Variants in PCCA observed in about 807,000 individuals in gnomAD.
The protein encoded by PCCA is propionyl-CoA carboxylase subunit alpha.
Under a neutral mutation model 101.3 loss-of-function variants are expected in PCCA, and 74 were observed. The observed-to-expected ratio is 0.73, with a 90% CI of 0.61 to 0.89. The LOEUF (loss-of-function observed/expected upper bound fraction) is 0.89, where lower values mean the gene tolerates loss of function less well. Ranked by LOEUF, PCCA falls within the 40% of genes least tolerant of loss-of-function variation. The pLI is 0.00. For missense variants in PCCA, 891 were observed against 907.0 expected (o/e 0.98, Z 0.23); for synonymous variants, 294 against 313.6 (o/e 0.94, Z 0.66).
rs556614855 is a variant in PCCA at position 100,386,625 on chromosome 13, C to T, written c.1746+18051C>T. On this transcript the variant is annotated intron_variant, in intron 19 of 23. Coordinates refer to ENST00000376285, the MANE Select transcript of PCCA (RefSeq NM_000282.4). ...CTCCATCTCCTGACGTCGTGATCCA[C>T]CCGCCTCGGCTTCCCAAGGTGCTGG... Among the ~76,000 whole-genome samples the T allele has an allele frequency of 4.5e-3, 685 of 152,344 alleles. 4 individuals are homozygous for T. The highest frequency in any genetic ancestry group is 5.2e-3 in the Non-Finnish European group (355 of 68,034).
chr13:100,421,456 A>G (rs1287209395), intron 19 of PCCA, among the ~76,000 whole-genome samples: 2 of 152,218 alleles, frequency 1.3e-5, no homozygotes, highest in East Asian at 1.9e-4. Flanking sequence ...ATCAATATGT[A>G]TAGAGATGAC....
chr13:100,467,660 G>A (rs1259594104), intron 21 of PCCA, among the ~76,000 whole-genome samples: 1 of 152,200 alleles, frequency 6.6e-6, no homozygotes, highest in Non-Finnish European at 1.5e-5. Context: ...GTGAGCCACC[G>A]CGCCTGGCAT....
At chr13:100,322,990 A>G (rs953860931) in intron 16 of PCCA, among the ~76,000 whole-genome samples, 1 of 152,208 alleles carries the variant, frequency 6.6e-6, no homozygotes, top group African/African-American at 2.4e-5. Flanking sequence ...CCTTCCCATG[A>G]TATCTAATGG....
chr13:100,362,642 G>T (rs942204011), intron 18 of PCCA, among the ~76,000 whole-genome samples: 1 of 152,086 alleles, frequency 6.6e-6, no homozygotes, highest in Non-Finnish European at 1.5e-5. Context: ...AGAACCTTAA[G>T]CCCTTATCGG....
At chr13:100,230,800 G>T (rs1267163285) in intron 7 of PCCA, among the ~76,000 whole-genome samples, 3 of 152,204 alleles carry the variant, frequency 2.0e-5, no homozygotes, top group African/African-American at 7.2e-5. Flanking sequence ...CTGGACAAGG[G>T]TTTCTGTCCT....
chr13:100,450,173 A>G (rs2081119206), intron 21 of PCCA, among the ~76,000 whole-genome samples: 1 of 152,114 alleles, frequency 6.6e-6, no homozygotes, highest in African/African-American at 2.4e-5. Context: ...TTCCAAGGTC[A>G]GGAGTTTGAG....
intron 7 of PCCA, among the ~76,000 whole-genome samples, chr13:100,232,416 T>C (rs1473689259): frequency 6.7e-6 from 1 of 150,244 alleles, no homozygotes; most frequent in East Asian, 2.0e-4. Flanking sequence ...AGTCTCACTT[T>C]ATTTCCCAGG....
intron 11 of PCCA, among the ~76,000 whole-genome samples, chr13:100,270,176 C>T (rs1396422365): frequency 6.6e-6 from 1 of 152,218 alleles, no homozygotes; most frequent in Non-Finnish European, 1.5e-5. Flanking sequence ...AAAGGGAATC[C>T]TCTTCCTGTG....
intron 19 of PCCA, among the ~76,000 whole-genome samples, chr13:100,377,049 C>G (rs2075957862): frequency 6.6e-6 from 1 of 152,174 alleles, no homozygotes; most frequent in Non-Finnish European, 1.5e-5. Flanking sequence ...CACGGCTTCC[C>G]TTGGCTAGGG....
At chr13:100,438,799 G>A (rs137859829) in intron 20 of PCCA, among the ~76,000 whole-genome samples, 1 of 151,700 alleles carries the variant, frequency 6.6e-6, no homozygotes, top group Non-Finnish European at 1.5e-5. Context: ...GGCTCCCTCC[G>A]CATTTGGGGG....
At chr13:100,335,295 C>T (rs1231459589) in intron 17 of PCCA, among the ~76,000 whole-genome samples, 1 of 152,070 alleles carries the variant, frequency 6.6e-6, no homozygotes, top group Non-Finnish European at 1.5e-5. Flanking sequence ...CCCCCTACCC[C>T]CAAATCCACT....
chr13:100,234,691 TC>T lies in PCCA; in HGVS notation c.601-1143del, dbSNP rs565496730. Among the ~76,000 whole-genome samples, 818 of 148,644 alleles carry T rather than the reference TC, an allele frequency of 5.5e-3. 3 individuals carry two copies. Among genetic ancestry groups the T allele is most frequent in the Non-Finnish European group, 8.9e-3 (594 of 66,978 alleles). ...GACATAAGTGAACCAGTTATAAACA[TC>T]CCCCCCCGCCCCCTTCTCGGAGGAT... On this transcript the variant is annotated intron_variant, in intron 7 of 23. Coordinates refer to ENST00000376285, the MANE Select transcript of PCCA (RefSeq NM_000282.4).
At chr13:100,140,054 T>C (rs1224774904) in intron 4 of PCCA, among the ~76,000 whole-genome samples, 1 of 152,174 alleles carries the variant, frequency 6.6e-6, no homozygotes, top group Non-Finnish European at 1.5e-5. Context: ...ATTACATCCA[T>C]ACATGCCCAA....
At chr13:100,410,039 C>T (rs888880283) in intron 19 of PCCA, among the ~76,000 whole-genome samples, 11 of 152,038 alleles carry the variant, frequency 7.2e-5, no homozygotes, top group Admixed American at 2.6e-4. Flanking sequence ...GGATTACAGG[C>T]GTGAGCAACC....
intron 12 of PCCA, among the ~76,000 whole-genome samples, chr13:100,297,362 A>G (rs1392176470): frequency 2.0e-5 from 3 of 152,236 alleles, no homozygotes; most frequent in Non-Finnish European, 4.4e-5. Context: ...TGAAGATGAC[A>G]ATGGCAGTGT....
chr13:100,506,336 C>G (rs1034080828), intron 21 of PCCA, among the ~76,000 whole-genome samples: 9 of 148,432 alleles, frequency 6.1e-5, no homozygotes, highest in Admixed American at 4.8e-4. Context: ...ACCCCCCTAC[C>G]AGCGCTCATT....
intron 15 of PCCA, among the ~76,000 whole-genome samples, chr13:100,309,003 C>T (rs2066690311): frequency 6.6e-6 from 1 of 152,156 alleles, no homozygotes; most frequent in African/African-American, 2.4e-5. Context: ...CCATTTGCTT[C>T]TGTGTATATT....
In PCCA at chr13:100,089,187, C is replaced by T. The variant is rs1418687702; in HGVS notation, c.67C>T (p.Gln23Ter). 2 of 1,529,424 alleles carry T rather than the reference C, an allele frequency of 1.3e-6. No individual in the cohort carries two copies. Among genetic ancestry groups the T allele is most frequent in the East Asian group, 2.6e-5 (1 of 39,088 alleles). The allele number at this position is 1,529,424 out of a possible 1,614,324, so 94.7% of individuals were successfully genotyped here. A position where few individuals can be genotyped will look rare whatever the true frequency, so the allele number is the denominator to read the frequency against. ...CGGACGGCGTGGGCGGTGGCCGCCGCAGCAGCTGATGCTGAGCGCGGCGCT... is the reference window on the plus strand; with the variant it reads ...CGGACGGCGTGGGCGGTGGCCGCCGTAGCAGCTGATGCTGAGCGCGGCGCT... ...AAGRRGRWPPQQLMLSAALRT... is the reference protein window; with the variant it reads ...AAGRRGRWPP Residue 23 changes from glutamine to a stop codon, truncating the protein, a stop_gained, in exon 1 of 24, where the codon CAG (glutamine) becomes TAG (stop). Coordinates refer to ENST00000376285, the MANE Select transcript of PCCA (RefSeq NM_000282.4). LOFTEE classifies it high-confidence loss of function.
intron 7 of PCCA, among the ~76,000 whole-genome samples, chr13:100,224,365 C>T (rs904316289): frequency 2.0e-5 from 3 of 152,248 alleles, no homozygotes; most frequent in South Asian, 2.1e-4. Flanking sequence ...GCCAAGCCCA[C>T]GCCCACCCGG....
Sources: gnomAD v4.1 joint callset for allele counts (sites outside exome capture counted in the v4.1 genomes callset) on GRCh38, gnomAD v4.1.1 for gene constraint, MANE v1.5 for transcripts, NCBI Gene and HGNC (gene_info 2026-07-23, HGNC 2026-07-21) for gene names.